The following BTBD9 variants were observed in gnomAD, a reference collection of about 807,000 sequenced individuals.
The protein encoded by BTBD9 is BTB/POZ domain-containing protein 9.
In BTBD9, 49 loss-of-function variants were observed where a neutral mutation model predicts 64.3. The observed-to-expected ratio is 0.76, with a 90% CI of 0.61 to 0.97. The LOEUF (loss-of-function observed/expected upper bound fraction) is 0.97, where lower values mean the gene tolerates loss of function less well. BTBD9 is among the 50% of genes least tolerant of loss of function. The pLI is 0.00. For synonymous variants in BTBD9, 260 were observed against 274.7 expected, an observed-to-expected ratio of 0.95 and a Z score of 0.53; for missense variants, 598 against 762.1, an observed-to-expected ratio of 0.78 and a Z score of 2.53.
intron 6 of BTBD9, among the ~76,000 whole-genome samples, chr6:38,496,223 T>C (rs1228926706): frequency 6.6e-6 from 1 of 152,238 alleles, no homozygotes; most frequent in Non-Finnish European, 1.5e-5. Flanking sequence ...TCTCAGGCTG[T>C]CACTGCCTTC....
At position 38,501,805 on chromosome 6, in the gene BTBD9, T is replaced by TAAG. The variant is rs1772213915; in HGVS notation, c.1154+75792_1154+75794dup. The stretch of plus-strand genomic sequence containing the variant: ...GTCTTCTCTTTATTATGCCAGACAT[T>TAAG]AAGATTTGCAAGGCTACTCTCTCCA... On this transcript the variant is annotated intron_variant, in intron 6 of 10. Transcript: ENST00000481247. Among the ~76,000 whole-genome samples the TAAG allele has an allele frequency of 1.4e-4, 5 of 35,288 alleles. No individual in the cohort carries two copies. The South Asian group carries it at 6.6e-3, about 47-fold the overall frequency. The allele number at this position is 35,288 out of a possible 152,430, so 23.2% of individuals were successfully genotyped here.
At chr6:38,401,395 T>A (rs1766921904) in intron 6 of BTBD9, among the ~76,000 whole-genome samples, 1 of 152,324 alleles carries the variant, frequency 6.6e-6, no homozygotes, top group Middle Eastern at 3.4e-3. Flanking sequence ...TTATAAATTA[T>A]CCAGTCTCAG....
intron 6 of BTBD9, among the ~76,000 whole-genome samples, chr6:38,453,571 T>C (rs149349993): frequency 1.3e-5 from 2 of 152,276 alleles, no homozygotes; most frequent in East Asian, 3.9e-4. Context: ...TTATCACTTT[T>C]AAATGACAAG....
chr6:38,379,346 A>G (rs1765830124), intron 6 of BTBD9, among the ~76,000 whole-genome samples: 1 of 152,204 alleles, frequency 6.6e-6, no homozygotes, highest in Non-Finnish European at 1.5e-5. Context: ...TTCAGACTGA[A>G]GCAACTTAAT....
chr6:38,401,435 A>G (rs539904030), intron 6 of BTBD9, among the ~76,000 whole-genome samples: 12 of 152,288 alleles, frequency 7.9e-5, no homozygotes, highest in Middle Eastern at 3.4e-3. Flanking sequence ...GTGAAAATGG[A>G]CTAATACAGT....
chr6:38,214,008 A>AT (rs1582061097), intron 9 of BTBD9, among the ~76,000 whole-genome samples: 3 of 98,440 alleles, frequency 3.0e-5, no homozygotes, highest in East Asian at 3.7e-4. Context: ...ATAAACAAAC[A>AT]AAAATAATAA....
chr6:38,268,752 C>T (rs1765101818), intron 8 of BTBD9, among the ~76,000 whole-genome samples: 1 of 152,206 alleles, frequency 6.6e-6, no homozygotes, highest in Admixed American at 6.5e-5. Context: ...GTCTTGAGCT[C>T]TTGCTAGAAA....
chr6:38,579,758 G>A (rs923671433), intron 5 of BTBD9, among the ~76,000 whole-genome samples: 1 of 152,140 alleles, frequency 6.6e-6, no homozygotes, highest in East Asian at 1.9e-4. Flanking sequence ...ATACATTTTA[G>A]AGGAATATTT....
chr6:38,169,982 C>G lies in BTBD9; in HGVS notation c.*5003G>C, dbSNP rs1291074671. The G allele has an allele frequency of 6.6e-6, 1 of 152,226 alleles. No individual in the cohort carries two copies. Among genetic ancestry groups the G allele is most frequent in the Non-Finnish European group, 1.5e-5 (1 of 68,088 alleles). The allele number at this position is 152,226 out of a possible 1,614,324, so 9.4% of individuals were successfully genotyped here. ...CTGGAAGCTCGCTGGGTGCAGCAGACTGGCCTGGGAGATGCCAGGGTGCTG... is the reference window on the plus strand; with the variant it reads ...CTGGAAGCTCGCTGGGTGCAGCAGAGTGGCCTGGGAGATGCCAGGGTGCTG... On this transcript the variant is annotated 3_prime_UTR_variant, in exon 11 of 11. Transcript: ENST00000481247.
At chr6:38,253,148 C>T (rs1764458467) in intron 9 of BTBD9, among the ~76,000 whole-genome samples, 1 of 150,486 alleles carries the variant, frequency 6.6e-6, no homozygotes, top group South Asian at 2.1e-4. Flanking sequence ...CAACAAAACA[C>T]CCACATTGTA....
At position 38,450,780 on chromosome 6, in the gene BTBD9, C is replaced by T. The variant is rs565491570; in HGVS notation, c.1155-105687G>A. On this transcript the variant is annotated intron_variant, in intron 6 of 10. Transcript: ENST00000481247. ...GAAAATAATGCAAGTTCCTGAATCA[C>T]TCTCTGGGTTCCGTGACTCAGAAGG... Among the ~76,000 whole-genome samples the T allele has an allele frequency of 3.3e-5, 5 of 152,260 alleles. No homozygotes were observed. The South Asian group carries it at 1.0e-3, about 32-fold the overall frequency.
At chr6:38,223,049 G>C (rs1338985535) in intron 9 of BTBD9, among the ~76,000 whole-genome samples, 1 of 152,114 alleles carries the variant, frequency 6.6e-6, no homozygotes, top group African/African-American at 2.4e-5. Context: ...GGGATTACAG[G>C]TTCCTGCCAC....
At chr6:38,228,275 T>C (rs76069068) in intron 9 of BTBD9, among the ~76,000 whole-genome samples, 13,087 of 146,724 alleles carry the variant, frequency 0.089, 1,098 homozygotes, top group East Asian at 0.48. Context: ...GTAGGAGGAC[T>C]GTTTGAGGCT....
intron 6 of BTBD9, among the ~76,000 whole-genome samples, chr6:38,496,990 A>G (rs534207777): frequency 6.6e-6 from 1 of 152,330 alleles, no homozygotes; most frequent in East Asian, 1.9e-4. Context: ...AAAACTTTCA[A>G]GCAGGGAAGC....
At chr6:38,631,331 G>A (rs972720462) in intron 1 of BTBD9, among the ~76,000 whole-genome samples, 11 of 152,258 alleles carry the variant, frequency 7.2e-5, no homozygotes, top group South Asian at 6.2e-4. Context: ...ATGGCTTCAC[G>A]GGAAAAAGGA....
At chr6:38,328,564 C>CGT (rs201357884) in intron 7 of BTBD9, among the ~76,000 whole-genome samples, 12,842 of 130,344 alleles carry the variant, frequency 0.099, 658 homozygotes, top group African/African-American at 0.12. Context: ...TTTAAGCCAC[C>CGT]GTGTGTGTGT....
At chr6:38,263,784 C>A (rs1423944101) in intron 8 of BTBD9, among the ~76,000 whole-genome samples, 1 of 152,158 alleles carries the variant, frequency 6.6e-6, no homozygotes, top group African/African-American at 2.4e-5. Flanking sequence ...TCTAGTATTC[C>A]GTGAGAAATC....
chr6:38,334,973 G>C (rs866991022), intron 7 of BTBD9, among the ~76,000 whole-genome samples: 2 of 152,104 alleles, frequency 1.3e-5, no homozygotes, highest in African/African-American at 2.4e-5. Flanking sequence ...GACCTGGTGG[G>C]AGGTGACTGG....
chr6:38,539,033 T>C (rs762811523), intron 6 of BTBD9, among the ~76,000 whole-genome samples: 1 of 152,114 alleles, frequency 6.6e-6, no homozygotes, highest in Non-Finnish European at 1.5e-5. Context: ...CTCAAACTAC[T>C]GAGCTCAAGT....
Sources: allele counts gnomAD v4.1 joint callset (sites outside exome capture counted in the v4.1 genomes callset), GRCh38; gene constraint gnomAD v4.1.1; transcripts MANE v1.5; gene names NCBI Gene and HGNC (gene_info 2026-07-23, HGNC 2026-07-21).